MB21D2: variants seen among roughly 807,000 people sequenced by gnomAD.
MB21D2 encodes nucleotidyltransferase MB21D2.
A neutral mutation model predicts 33.3 loss-of-function variants in MB21D2; 9 were observed. The observed-to-expected ratio is 0.27, with a 90% CI of 0.16 to 0.47. The LOEUF is 0.47. MB21D2 is among the 20% of genes least tolerant of loss of function. The pLI is 0.99. For missense variants in MB21D2, 540 were observed against 624.6 expected, an observed-to-expected ratio of 0.86 and a Z score of 1.44; for synonymous variants, 241 against 236.3, an observed-to-expected ratio of 1.02 and a Z score of -0.18.
intron 1 of MB21D2, among the ~76,000 whole-genome samples, chr3:192,877,872 T>C (rs968879962): frequency 1.3e-5 from 2 of 152,072 alleles, no homozygotes; most frequent in African/African-American, 4.8e-5. Flanking sequence ...CTGATGGGCA[T>C]TTCTGTTGTC....
intron 1 of MB21D2, among the ~76,000 whole-genome samples, chr3:192,877,074 A>T (rs1397060756): frequency 1.3e-5 from 2 of 152,238 alleles, no homozygotes; most frequent in African/African-American, 2.4e-5. Flanking sequence ...AAACAGGAAG[A>T]AAGGAACGGA....
At chr3:192,824,523 A>ATAAATAAATAAG (rs1560231558) in intron 1 of MB21D2, among the ~76,000 whole-genome samples, 1 of 151,662 alleles carries the variant, frequency 6.6e-6, no homozygotes, top group African/African-American at 2.4e-5. Context: ...AAATAAATAA[A>ATAAATAAATAAG]TAAATAAAGT....
intron 1 of MB21D2, among the ~76,000 whole-genome samples, chr3:192,812,474 G>A (rs1019487329): frequency 6.6e-6 from 1 of 152,154 alleles, no homozygotes. Flanking sequence ...AATAGATGGT[G>A]GAGCCTAATG....
chr3:192,916,755 T>C (rs1714475214), intron 1 of MB21D2, among the ~76,000 whole-genome samples: 1 of 152,144 alleles, frequency 6.6e-6, no homozygotes, highest in South Asian at 2.1e-4. Context: ...CATTCAATCA[T>C]GTTTCAGGAG....
intron 1 of MB21D2, among the ~76,000 whole-genome samples, chr3:192,828,153 T>G (rs1712217952): frequency 6.6e-6 from 1 of 152,004 alleles, no homozygotes; most frequent in Admixed American, 6.6e-5. Flanking sequence ...AATTACCCAG[T>G]TTTGGGTATG....
chr3:192,863,475 T>C (rs936602787), intron 1 of MB21D2, among the ~76,000 whole-genome samples: 2 of 152,248 alleles, frequency 1.3e-5, no homozygotes, highest in Non-Finnish European at 2.9e-5. Context: ...AAAGGAACGT[T>C]AGCACATGGT....
intron 1 of MB21D2, among the ~76,000 whole-genome samples, chr3:192,908,484 C>T (rs558047689): frequency 4.0e-5 from 6 of 151,490 alleles, no homozygotes; most frequent in South Asian, 2.1e-4. Flanking sequence ...CTGCAAGCTC[C>T]GCCTCCTGGG....
intron 1 of MB21D2, among the ~76,000 whole-genome samples, chr3:192,812,108 C>T (rs1451810881): frequency 6.6e-6 from 1 of 151,996 alleles, no homozygotes; most frequent in Non-Finnish European, 1.5e-5. Flanking sequence ...AGGGTAGTGG[C>T]ACAATCTTGG....
chr3:192,856,972 C>A (rs1000167857), intron 1 of MB21D2, among the ~76,000 whole-genome samples: 1 of 152,092 alleles, frequency 6.6e-6, no homozygotes, highest in South Asian at 2.1e-4. Flanking sequence ...ATTATTATCA[C>A]CCTAAAACAT....
chr3:192,902,523 G>A (rs987904632), intron 1 of MB21D2, among the ~76,000 whole-genome samples: 7 of 152,186 alleles, frequency 4.6e-5, no homozygotes, highest in Non-Finnish European at 8.8e-5. Flanking sequence ...AGCCAACAGT[G>A]AGGAAGAGTT....
intron 1 of MB21D2, among the ~76,000 whole-genome samples, chr3:192,869,818 A>G (rs1713251678): frequency 6.6e-6 from 1 of 152,218 alleles, no homozygotes; most frequent in Non-Finnish European, 1.5e-5. Flanking sequence ...AATGAAAAAC[A>G]TCACTGCTCC....
chr3:192,878,689 T>A (rs1018932649), intron 1 of MB21D2, among the ~76,000 whole-genome samples: 9 of 152,176 alleles, frequency 5.9e-5, no homozygotes, highest in Admixed American at 1.3e-4. Context: ...AAGAGCAGGC[T>A]GCAGTGGCTC....
intron 1 of MB21D2, among the ~76,000 whole-genome samples, chr3:192,878,103 G>T (rs9825626): frequency 0.88 from 118,611 of 134,320 alleles, 51,584 homozygotes; most frequent in Middle Eastern, 0.94. Flanking sequence ...TTTTTTTTTG[G>T]TTTTTTTTGT....
chr3:192,861,178 G>A (rs1250588287), intron 1 of MB21D2, among the ~76,000 whole-genome samples: 2 of 152,190 alleles, frequency 1.3e-5, no homozygotes, highest in East Asian at 3.8e-4. Flanking sequence ...TCACAAACAA[G>A]AAGTGGAGCC....
intron 1 of MB21D2, among the ~76,000 whole-genome samples, chr3:192,830,409 T>C: frequency 6.6e-6 from 1 of 152,046 alleles, no homozygotes; most frequent in African/African-American, 2.4e-5. Flanking sequence ...GCTAATTACC[T>C]CACCATTTTG....
At chr3:192,827,070 ATT>A in intron 1 of MB21D2, among the ~76,000 whole-genome samples, 1 of 151,648 alleles carries the variant, frequency 6.6e-6, no homozygotes, top group African/African-American at 2.4e-5. Flanking sequence ...AATTTTTTGT[ATT>A]TTTTTAGTAG....
rs190589126 is a variant in MB21D2 at position 192,846,839 on chromosome 3, T to C, written c.212-47189A>G. On this transcript the variant is annotated intron_variant, in intron 1 of 1. Coordinates refer to ENST00000392452, the MANE Select transcript of MB21D2 (RefSeq NM_178496.4). Reference sequence around the variant, plus strand: ...TTTCTTGGGGCTTCTCATTTTCACTTTTCTCTTATACCTGTTTCAAGATGT... The same window carrying C: ...TTTCTTGGGGCTTCTCATTTTCACTCTTCTCTTATACCTGTTTCAAGATGT... Among the ~76,000 whole-genome samples, 22 of 152,310 alleles carry C rather than the reference T, an allele frequency of 1.4e-4. No homozygotes were observed. The East Asian group carries it at 2.7e-3, about 19-fold the overall frequency.
At chr3:192,891,973 G>C (rs550013928) in intron 1 of MB21D2, among the ~76,000 whole-genome samples, 48 of 152,228 alleles carry the variant, frequency 3.2e-4, no homozygotes, top group Admixed American at 8.5e-4. Flanking sequence ...TGCTTGGTTT[G>C]TAGAATGGAG....
chr3:192,831,475 T>A (rs1418756457), intron 1 of MB21D2, among the ~76,000 whole-genome samples: 1 of 152,238 alleles, frequency 6.6e-6, no homozygotes, highest in Non-Finnish European at 1.5e-5. Context: ...AGCAGCAAAC[T>A]AGTACAAGAA....
Sources: gnomAD v4.1 joint callset for allele counts (sites outside exome capture counted in the v4.1 genomes callset) on GRCh38, gnomAD v4.1.1 for gene constraint, MANE v1.5 for transcripts, NCBI Gene and HGNC (gene_info 2026-07-23, HGNC 2026-07-21) for gene names.